Variants in RNF220 observed in about 807,000 individuals in gnomAD.
RNF220 encodes E3 ubiquitin-protein ligase RNF220.
A neutral mutation model predicts 67.1 loss-of-function variants in RNF220; 7 were observed. The observed-to-expected ratio is 0.10, with a 90% confidence interval of 0.06 to 0.20. RNF220 has a LOEUF of 0.20. Ranked by LOEUF, RNF220 falls within the 10% of genes least tolerant of loss-of-function variation. The pLI is 1.00. For missense variants in RNF220, 565 were observed against 740.3 expected (o/e 0.76, Z 2.75); for synonymous variants, 270 against 283.2 (o/e 0.95, Z 0.47).
chr1:44,559,352 ATGCCAGGT>A (rs1172436095), intron 2 of RNF220, among the ~76,000 whole-genome samples: 1 of 152,274 alleles, frequency 6.6e-6, no homozygotes, highest in East Asian at 1.9e-4. Flanking sequence ...AATAGCCAGG[ATGCCAGGT>A]TTCCCTGTGC....
chr1:44,525,894 G>A (rs1414335534), intron 2 of RNF220, among the ~76,000 whole-genome samples: 1 of 152,208 alleles, frequency 6.6e-6, no homozygotes. Context: ...TGTAAGCTGC[G>A]TCTGCTGTCC....
intron 2 of RNF220, among the ~76,000 whole-genome samples, chr1:44,447,459 A>G (rs1025881462): frequency 2.6e-5 from 4 of 152,180 alleles, no homozygotes; most frequent in Non-Finnish European, 4.4e-5. Flanking sequence ...ACTAGCATCT[A>G]TGTTCTGGAT....
intron 5 of RNF220, among the ~76,000 whole-genome samples, chr1:44,629,870 A>G (rs1483258339): frequency 1.3e-5 from 2 of 152,220 alleles, no homozygotes; most frequent in African/African-American, 2.4e-5. Flanking sequence ...TGTAGAGAAC[A>G]TAGAGGTGTA....
intron 2 of RNF220, among the ~76,000 whole-genome samples, chr1:44,477,604 A>G (rs193131201): frequency 6.6e-6 from 1 of 152,236 alleles, no homozygotes; most frequent in African/African-American, 2.4e-5. Context: ...CTTACTTCTC[A>G]TGCATCTGTA....
At chr1:44,547,194 A>G (rs901216034) in intron 2 of RNF220, among the ~76,000 whole-genome samples, 4 of 152,212 alleles carry the variant, frequency 2.6e-5, no homozygotes, top group Admixed American at 2.0e-4. Context: ...CAAAAATGCA[A>G]CTGGACCAAG....
At chr1:44,407,165 A>G (rs1647423480) in intron 1 of RNF220, among the ~76,000 whole-genome samples, 1 of 152,050 alleles carries the variant, frequency 6.6e-6, no homozygotes, top group Non-Finnish European at 1.5e-5. Context: ...GCGCCGGCCC[A>G]CTGGCCCGGG....
intron 2 of RNF220, among the ~76,000 whole-genome samples, chr1:44,528,614 C>CT (rs71036683): frequency 3.8e-5 from 5 of 131,956 alleles, no homozygotes; most frequent in Admixed American, 7.6e-5. Context: ...AAATTGGCAA[C>CT]TTTTTTTTTT....
Position 44,650,898 on chromosome 1 carries a change from T to G in RNF220, c.*123T>G. 1.2e-6 allele frequency: 1 copy of G among 819,702 alleles called. No homozygotes were observed. Among genetic ancestry groups the G allele is most frequent in the Non-Finnish European group, 2.1e-6 (1 of 486,422 alleles). 50.8% of individuals were successfully genotyped at this position (819,702 alleles called of 1,614,324 possible). A position where few individuals can be genotyped will look rare whatever the true frequency, so the allele number is the denominator to read the frequency against. ...TCCCCATGTACATACATGCACATAC[T>G]CAAACATGCGTACACACACACACAT... On this transcript the variant is annotated 3_prime_UTR_variant, in exon 15 of 15. Transcript: ENST00000361799. The surrounding 1 kb of genome is among the most constrained non-coding windows in gnomAD (Gnocchi z 4.3).
intron 2 of RNF220, among the ~76,000 whole-genome samples, chr1:44,511,916 CGT>C (rs71728249): frequency 0.021 from 3,029 of 147,718 alleles, 46 homozygotes; most frequent in East Asian, 0.067. Context: ...CGTGTGTGTG[CGT>C]GTGTGTGTGT....
rs1553208884 is a variant in RNF220, at chr1:44,405,374, C to CCTACTGCTGCTGCTGCTG, written c.-271_-254dup. 1.7e-6 allele frequency: 1 copy of CCTACTGCTGCTGCTGCTG among 578,698 alleles called. No individual in the cohort carries two copies. The highest frequency in any genetic ancestry group is 3.3e-5 in the East Asian group (1 of 30,190). The allele number at this position is 578,698 out of a possible 1,614,324, so 35.8% of individuals were successfully genotyped here. ...GCGAACACAAACCCGGGGCCAGCCG[C>CCTACTGCTGCTGCTGCTG]CTACTGCTGCTGCTGCTGCTGCCGC... On this transcript the variant is annotated 5_prime_UTR_variant, in exon 1 of 15. Transcript: ENST00000361799.
chr1:44,544,224 C>G (rs1192149346), intron 2 of RNF220, among the ~76,000 whole-genome samples: 5 of 152,192 alleles, frequency 3.3e-5, no homozygotes, highest in Non-Finnish European at 4.4e-5. Flanking sequence ...AATGCTTGAT[C>G]TCTGCCGGGG....
At chr1:44,458,587 T>A (rs955126801) in intron 2 of RNF220, among the ~76,000 whole-genome samples, 3 of 152,214 alleles carry the variant, frequency 2.0e-5, no homozygotes, top group Admixed American at 6.5e-5. Flanking sequence ...CTAGTTGTCT[T>A]ACCCACACCC....
chr1:44,412,306 C>G lies in RNF220; in HGVS notation c.209C>G (p.Ala70Gly). 2 of 1,614,206 alleles carry G rather than the reference C, an allele frequency of 1.2e-6. No homozygotes were observed. Among genetic ancestry groups the G allele is most frequent in the South Asian group, 2.2e-5 (2 of 91,084 alleles). ...TTCACCAACGGTTCCTATACCTTTG[C>G]CTCTATGTACCATCGGCAAGGTGGG... Reference protein sequence around the residue: ...IPFTNGSYTFASMYHRQGGVP... With the variant: ...IPFTNGSYTFGSMYHRQGGVP... The change falls in exon 2 of 15, where the codon GCC becomes GGC. Residue 70 changes from alanine to glycine, a missense_variant. Ala to Gly is a moderately conservative substitution (Grantham distance 60). Coordinates refer to ENST00000361799, the MANE Select transcript of RNF220 (RefSeq NM_018150.4). This position sits in a 1 kb window ranked among gnomAD's most constrained non-coding sequence, Gnocchi z 5.3.
chr1:44,643,659 C>T (rs1644550842), intron 8 of RNF220: 1 of 152,256 alleles, frequency 6.6e-6, no homozygotes, highest in Non-Finnish European at 1.5e-5. Context: ...AATCATCAGG[C>T]AGATACTAAG....
chr1:44,602,650 G>A (rs1330550600), intron 2 of RNF220, among the ~76,000 whole-genome samples: 4 of 151,528 alleles, frequency 2.6e-5, no homozygotes, highest in Non-Finnish European at 5.9e-5. Flanking sequence ...ACTGACTCCC[G>A]ACTCCACCCC....
At chr1:44,493,530 AAAAT>A (rs879768154) in intron 2 of RNF220, among the ~76,000 whole-genome samples, 2 of 136,090 alleles carry the variant, frequency 1.5e-5, no homozygotes, top group East Asian at 2.9e-4. Context: ...ATAAATAAAT[AAAAT>A]AAATAAATAA....
intron 2 of RNF220, among the ~76,000 whole-genome samples, chr1:44,473,518 A>G (rs980523246): frequency 3.3e-5 from 5 of 151,400 alleles, no homozygotes; most frequent in African/African-American, 1.2e-4. Context: ...CGGGTCTCAG[A>G]AATCAGGAGT....
At chr1:44,527,533 G>A (rs527381146) in intron 2 of RNF220, among the ~76,000 whole-genome samples, 2 of 152,010 alleles carry the variant, frequency 1.3e-5, no homozygotes, top group Admixed American at 6.6e-5. Context: ...GGAGATGAGA[G>A]AATCGCTTAA....
chr1:44,520,821 G>T (rs1659877796), intron 2 of RNF220, among the ~76,000 whole-genome samples: 1 of 152,192 alleles, frequency 6.6e-6, no homozygotes, highest in South Asian at 2.1e-4. Flanking sequence ...TATTGTTCAT[G>T]GCAAACACTC....
Sources: allele counts gnomAD v4.1 joint callset (sites outside exome capture counted in the v4.1 genomes callset), GRCh38; gene constraint gnomAD v4.1.1; non-coding constraint Gnocchi (gnomAD v3.1); transcripts MANE v1.5; gene names NCBI Gene and HGNC (gene_info 2026-07-23, HGNC 2026-07-21).